ANKS1B: variants seen among roughly 807,000 people sequenced by gnomAD.
ANKS1B encodes the protein ankyrin repeat and sterile alpha motif domain containing 1B.
A neutral mutation model predicts 148.3 loss-of-function variants in ANKS1B; 36 were observed. That is an observed-to-expected ratio of 0.24 (90% CI 0.19 to 0.32). ANKS1B has a LOEUF of 0.32. ANKS1B is among the 10% of genes least tolerant of loss of function. The probability of loss-of-function intolerance (pLI) is 1.00; values close to 1 mark genes in which losing one functional copy is unlikely to be tolerated. For missense variants in ANKS1B, 1,157 were observed against 1,542.6 expected (o/e 0.75, Z 4.19); for synonymous variants, 542 against 560.8 (o/e 0.97, Z 0.47).
intron 17 of ANKS1B, among the ~76,000 whole-genome samples, chr12:99,052,555 G>T (rs569073268): frequency 6.8e-6 from 1 of 147,754 alleles, no homozygotes; most frequent in Non-Finnish European, 1.5e-5. Flanking sequence ...GTGAAACCCC[G>T]TCTCTACTAA....
intron 12 of ANKS1B, among the ~76,000 whole-genome samples, chr12:99,368,551 A>T (rs2092914399): frequency 6.6e-6 from 1 of 152,038 alleles, no homozygotes; most frequent in African/African-American, 2.4e-5. Context: ...GAAACTTATA[A>T]TATTAAAATT....
At chr12:99,110,555 T>C (rs755361507) in intron 15 of ANKS1B, among the ~76,000 whole-genome samples, 2 of 152,248 alleles carry the variant, frequency 1.3e-5, no homozygotes, top group Non-Finnish European at 2.9e-5. Context: ...ACCCTTTTAA[T>C]GCTCATTTCT....
intron 1 of ANKS1B, among the ~76,000 whole-genome samples, chr12:99,979,296 T>C (rs1030707709): frequency 6.6e-6 from 1 of 152,122 alleles, no homozygotes; most frequent in Non-Finnish European, 1.5e-5. Flanking sequence ...ATGTCCTTTT[T>C]AGCTAAGTTT....
chr12:98,820,927 G>A (rs2099183861), intron 19 of ANKS1B, among the ~76,000 whole-genome samples: 1 of 152,204 alleles, frequency 6.6e-6, no homozygotes, highest in Non-Finnish European at 1.5e-5. Context: ...ACTCCCAGAT[G>A]CAGTTGAGAA....
At chr12:99,466,382 G>C (rs367850325) in intron 10 of ANKS1B, among the ~76,000 whole-genome samples, 8,311 of 151,758 alleles carry the variant, frequency 0.055, 775 homozygotes, top group African/African-American at 0.19. Flanking sequence ...AAAAGAACTA[G>C]AAAAGCAAGA....
intron 22 of ANKS1B, chr12:98,794,552 G>A (rs374210439): frequency 6.5e-5 from 45 of 695,508 alleles, no homozygotes; most frequent in African/African-American, 2.1e-4. Context: ...ATGTTCATCC[G>A]CAATGATTGC....
At chr12:98,842,954 G>A (rs1350194032) in intron 17 of ANKS1B, among the ~76,000 whole-genome samples, 1 of 152,194 alleles carries the variant, frequency 6.6e-6, no homozygotes, top group African/African-American at 2.4e-5. Flanking sequence ...CAGTAAAAAT[G>A]TTTATGCTTT....
intron 17 of ANKS1B, among the ~76,000 whole-genome samples, chr12:99,052,590 C>T (rs983828580): frequency 4.7e-5 from 7 of 148,390 alleles, no homozygotes; most frequent in Admixed American, 1.3e-4. Context: ...TAGCCGGGCG[C>T]GGTGGCGGGC....
intron 16 of ANKS1B, among the ~76,000 whole-genome samples, chr12:99,064,992 C>CT (rs2043632135): frequency 1.3e-5 from 2 of 152,008 alleles, no homozygotes; most frequent in Admixed American, 6.6e-5. Context: ...TGTTGCAAAG[C>CT]TTTTTTTATG....
chr12:99,575,476 T>C (rs2097507468), intron 9 of ANKS1B, among the ~76,000 whole-genome samples: 1 of 151,982 alleles, frequency 6.6e-6, no homozygotes, highest in Non-Finnish European at 1.5e-5. Context: ...GGGTAATTTA[T>C]AAAGGAAAGA....
chr12:99,655,299 A>G (rs2098444631), intron 8 of ANKS1B, 89 bp from the exon 9 acceptor site: 2 of 1,213,594 alleles, frequency 1.6e-6, no homozygotes, highest in Non-Finnish European at 2.3e-6. Flanking sequence ...TGACAGTGGT[A>G]TATCTCGGCA....
At chr12:99,114,705 C>T (rs1203323970) in intron 15 of ANKS1B, among the ~76,000 whole-genome samples, 2 of 151,850 alleles carry the variant, frequency 1.3e-5, no homozygotes, top group Non-Finnish European at 2.9e-5. Context: ...TGAGCCGAGA[C>T]CGTACCACTG....
intron 1 of ANKS1B, among the ~76,000 whole-genome samples, chr12:99,958,753 G>A (rs1029773066): frequency 6.6e-5 from 10 of 152,140 alleles, no homozygotes; most frequent in Non-Finnish European, 1.5e-4. Flanking sequence ...AGGTTGGAAG[G>A]ACTGTTATTG....
At chr12:98,778,356 A>G (rs916799451) in intron 24 of ANKS1B, among the ~76,000 whole-genome samples, 5 of 152,154 alleles carry the variant, frequency 3.3e-5, no homozygotes, top group African/African-American at 1.2e-4. Context: ...CACACCTGTA[A>G]TCCCAGCTAC....
intron 17 of ANKS1B, among the ~76,000 whole-genome samples, chr12:98,982,962 T>C (rs2099914361): frequency 1.3e-5 from 2 of 152,254 alleles, no homozygotes. Context: ...CAAATTGTTT[T>C]CTAGAGTGGT....
Position 99,541,916 on chromosome 12 carries a change from A to G in ANKS1B, c.1273-37275T>C, listed in dbSNP as rs913370132. ...ACTCAACAAACTAGAAAGAATGAGA[A>G]TTCTCTAAATCTGATAAAGGCGTCT... On this transcript the variant is annotated intron_variant, in intron 9 of 26. Transcript: ENST00000683438. Among the ~76,000 whole-genome samples, 4 of 152,130 alleles carry G rather than the reference A, an allele frequency of 2.6e-5. No homozygotes were observed. In the East Asian group the frequency reaches 7.7e-4, roughly 29 times the overall value.
intron 11 of ANKS1B, among the ~76,000 whole-genome samples, chr12:99,415,347 G>A (rs1035259353): frequency 6.6e-6 from 1 of 152,018 alleles, no homozygotes; most frequent in Admixed American, 6.5e-5. Context: ...ACAATTTCAA[G>A]TGATTTGTTT....
chr12:99,468,925 C>A (rs886405620), intron 10 of ANKS1B, among the ~76,000 whole-genome samples: 28 of 152,238 alleles, frequency 1.8e-4, no homozygotes, highest in Admixed American at 1.8e-3. Context: ...TTTGACCCAG[C>A]CATCCCATTA....
At chr12:99,820,586 T>C (rs892797576) in intron 2 of ANKS1B, among the ~76,000 whole-genome samples, 2 of 151,928 alleles carry the variant, frequency 1.3e-5, no homozygotes, top group Non-Finnish European at 2.9e-5. Context: ...TTGGGAAGAA[T>C]ACAATATAAT....
Sources: allele counts gnomAD v4.1 joint callset (sites outside exome capture counted in the v4.1 genomes callset), GRCh38; gene constraint gnomAD v4.1.1; transcripts MANE v1.5; gene names NCBI Gene and HGNC (gene_info 2026-07-23, HGNC 2026-07-21).